Variants in MORC2 observed in about 807,000 individuals in gnomAD.
MORC2 encodes the protein ATPase MORC2.
MORC2 carries 30 observed loss-of-function variants against 136.0 expected under a neutral mutation model. The ratio of observed to expected loss-of-function variants is 0.22; its 90% CI spans 0.17 to 0.30. The LOEUF (loss-of-function observed/expected upper bound fraction) is 0.30. Ranked by LOEUF, MORC2 falls within the 10% of genes least tolerant of loss-of-function variation. The pLI, the probability that MORC2 is intolerant of heterozygous loss-of-function variation, is 1.00. For missense variants in MORC2, 922 were observed against 1,333.1 expected (o/e 0.69, Z 4.80); for synonymous variants, 439 against 487.0 (o/e 0.90, Z 1.30).
At chr22:30,935,350 G>C (rs1458024896) in intron 17 of MORC2, 28 bp from the exon 18 acceptor site, 7 of 1,606,496 alleles carry the variant, frequency 4.4e-6, no homozygotes, top group Non-Finnish European at 6.0e-6. Context: ...TGATGAAGTT[G>C]TTTGCATATT....
chr22:30,930,996 C>T (rs2040568252), intron 24 of MORC2, among the ~76,000 whole-genome samples: 1 of 152,238 alleles, frequency 6.6e-6, no homozygotes, highest in Admixed American at 6.5e-5. Context: ...CCAATTCCCA[C>T]AGACCTGAGT....
intron 25 of MORC2, 116 bp downstream of exon 25, chr22:30,927,903 G>T: frequency 7.7e-7 from 1 of 1,291,106 alleles, no homozygotes; most frequent in Non-Finnish European, 1.1e-6. Flanking sequence ...CAGCCAGGGT[G>T]AGAACCATAG....
rs930940296 is a variant in MORC2 at position 30,968,072 on chromosome 22, A to T, written c.-183T>A. ...GATGTTTAAAACTACAATTTCTTCAAGTGTTTTTTTTTAATCTTCTCAATG... is the reference window on the plus strand; with the variant it reads ...GATGTTTAAAACTACAATTTCTTCATGTGTTTTTTTTTAATCTTCTCAATG... On this transcript the variant is annotated 5_prime_UTR_variant, in exon 1 of 26. It adds an upstream start codon to the 5' untranslated region. Coordinates refer to ENST00000397641, the MANE Select transcript of MORC2 (RefSeq NM_001303256.3). 5.4e-6 allele frequency: 3 copies of T among 560,272 alleles called. No individual in the cohort carries two copies. Among genetic ancestry groups the T allele is most frequent in the Admixed American group, 3.4e-5 (1 of 29,772 alleles). The allele number at this position is 560,272 out of a possible 1,614,324, so 34.7% of individuals were successfully genotyped here.
At chr22:30,951,894 C>T (rs753938838) in intron 3 of MORC2, among the ~76,000 whole-genome samples, 4 of 151,958 alleles carry the variant, frequency 2.6e-5, no homozygotes, top group Non-Finnish European at 4.4e-5. Flanking sequence ...CAACCTCTGC[C>T]TCCCAGGTTC....
At chr22:30,939,846 C>T in intron 11 of MORC2, 113 bp downstream of exon 11, 1 of 1,345,450 alleles carries the variant, frequency 7.4e-7, no homozygotes, top group South Asian at 1.3e-5. Context: ...CTACAGAAAA[C>T]AGCCCTCACT....
intron 1 of MORC2, among the ~76,000 whole-genome samples, chr22:30,965,896 T>C (rs1294123761): frequency 3.9e-5 from 6 of 152,254 alleles, no homozygotes; most frequent in Non-Finnish European, 7.3e-5. Context: ...CTGACTACAG[T>C]AGGCACTGCC....
chr22:30,949,715 T>C (rs1466606074), intron 5 of MORC2, 37 bp downstream of exon 5: 2 of 1,533,676 alleles, frequency 1.3e-6, no homozygotes, highest in East Asian at 2.2e-5. Context: ...TTGCTGGATT[T>C]TGTTTGAGCC....
Position 30,968,064 on chromosome 22 carries a change from TTTC to T in MORC2, c.-178_-176del. The stretch of plus-strand genomic sequence containing the variant: ...TATGCAGAGATGTTTAAAACTACAA[TTTC>T]TTCAAGTGTTTTTTTTTAATCTTCT... On this transcript the variant is annotated 5_prime_UTR_variant, in exon 1 of 26. Transcript: ENST00000397641. 1 of 557,564 alleles carries T rather than the reference TTTC, an allele frequency of 1.8e-6. No homozygotes were observed. The allele number at this position is 557,564 out of a possible 1,614,324, so 34.5% of individuals were successfully genotyped here. A position where few individuals can be genotyped will look rare whatever the true frequency, so the allele number is the denominator to read the frequency against.
At chr22:30,929,462 GTGA>G (rs1252600724) in intron 24 of MORC2, among the ~76,000 whole-genome samples, 3 of 152,292 alleles carry the variant, frequency 2.0e-5, no homozygotes, top group Admixed American at 6.5e-5. Context: ...AATAGTTTGA[GTGA>G]TGGCCAGGCG....
rs2147239698 is a variant in MORC2, at chr22:30,932,222, C to A, written c.2841+137G>T. The A allele has an allele frequency of 1.2e-6, 1 of 802,546 alleles. No homozygotes were observed. Among genetic ancestry groups the A allele is most frequent in the African/African-American group, 1.7e-5 (1 of 58,198 alleles). 49.7% of individuals were successfully genotyped at this position (802,546 alleles called of 1,614,324 possible). A position where few individuals can be genotyped will look rare whatever the true frequency, so the allele number is the denominator to read the frequency against. ...TCCTCTTCTTTCAGCAGGAGAGAGG[C>A]TGGCTGAGATGGAGCACACAGCTGA... On this transcript the variant is annotated intron_variant, in intron 24 of 25. Transcript: ENST00000397641. The surrounding 1 kb of genome is among the most constrained non-coding windows in gnomAD (Gnocchi z 4.4).
chr22:30,933,378 C>T (rs2040604538), intron 21 of MORC2, 88 bp downstream of exon 21: 1 of 1,444,790 alleles, frequency 6.9e-7, no homozygotes. Context: ...TTCAATGAGC[C>T]TTTGGTAAAT....
Position 30,926,848 on chromosome 22 carries a change from A to G in MORC2, c.3054T>C (p.Asp1018=), listed in dbSNP as rs1451002796. The change falls in exon 26 of 26, where the codon GAT becomes GAC. Residue 1018 remains aspartate, a synonymous_variant. Transcript: ENST00000397641. ...VQEDIDINTD[D]ELDAYIEDLI... ...GGTCCTCAATGTAGGCGTCCAGCTC[A>G]TCATCTGTGTTGATGTCTATGTCCT... The G allele has an allele frequency of 7.4e-6, 12 of 1,613,420 alleles. No homozygotes were observed. Among genetic ancestry groups the G allele is most frequent in the Non-Finnish European group, 1.0e-5 (12 of 1,179,712 alleles).
At chr22:30,939,889 C>A (rs1018796535) in intron 11 of MORC2, 70 bp downstream of exon 11, 10 of 1,510,258 alleles carry the variant, frequency 6.6e-6, no homozygotes, top group Middle Eastern at 1.8e-4. Flanking sequence ...TTTTACTTGA[C>A]CAGGCTCATG....
Position 30,938,187 on chromosome 22 carries a change from C to T in MORC2, c.1092G>A (p.Lys364=), listed in dbSNP as rs757479319. 6.2e-7 allele frequency: 1 copy of T among 1,614,124 alleles called. No homozygotes were observed. The highest frequency in any genetic ancestry group is 2.2e-5 in the East Asian group (1 of 44,880). ...TGACACCAAAAACAAAATTCAGTTC[C>T]TTAGGTTCTTTAAGTGCTCTAAGAA... ...EAKQRALKEP[K]ELNFVFGVNI... The change falls in exon 13 of 26, where the codon AAG becomes AAA. Residue 364 remains lysine (K), a synonymous_variant. Transcript: ENST00000397641.
At chr22:30,942,816 G>C (rs1462219931) in intron 6 of MORC2, among the ~76,000 whole-genome samples, 1 of 151,966 alleles carries the variant, frequency 6.6e-6, no homozygotes. Context: ...ACCAGTCTGG[G>C]CAACATGGTG....
chr22:30,960,890 A>C (rs1160794257), intron 1 of MORC2, among the ~76,000 whole-genome samples: 9 of 147,446 alleles, frequency 6.1e-5, no homozygotes, highest in Non-Finnish European at 6.0e-5. Flanking sequence ...TTTGAGACAG[A>C]GTCTCACTGC....
intron 24 of MORC2, among the ~76,000 whole-genome samples, chr22:30,928,613 C>T (rs1163034090): frequency 3.3e-5 from 5 of 152,324 alleles, no homozygotes; most frequent in Middle Eastern, 3.4e-3. Flanking sequence ...ACAATGTCAG[C>T]GCTCATGTCA....
intron 1 of MORC2, among the ~76,000 whole-genome samples, chr22:30,963,841 GC>G: frequency 6.6e-6 from 1 of 152,160 alleles, no homozygotes; most frequent in Non-Finnish European, 1.5e-5. Context: ...TCATCCATAG[GC>G]CCATCACACA....
At chr22:30,933,640 A>C (rs573954709) in intron 20 of MORC2, 120 bp from the exon 21 acceptor site, 15 of 1,002,116 alleles carry the variant, frequency 1.5e-5, no homozygotes, top group Non-Finnish European at 2.3e-5. Context: ...TACAGTTTAA[A>C]TCACCAAGCC....
Sources: allele counts gnomAD v4.1 joint callset (sites outside exome capture counted in the v4.1 genomes callset), GRCh38; gene constraint gnomAD v4.1.1; non-coding constraint Gnocchi (gnomAD v3.1); transcripts MANE v1.5; gene names NCBI Gene and HGNC (gene_info 2026-07-23, HGNC 2026-07-21).